The following EFCAB5 variants were observed in gnomAD, a reference collection of about 807,000 sequenced individuals.
EFCAB5 encodes EF-hand calcium binding domain 5, also known as EF-hand calcium-binding domain-containing protein 5.
A neutral mutation model predicts 167.9 loss-of-function variants in EFCAB5; 131 were observed. The ratio of observed to expected loss-of-function variants is 0.78; its 90% CI spans 0.68 to 0.90. EFCAB5 has a LOEUF of 0.90. Ranked by LOEUF, EFCAB5 falls within the 40% of genes least tolerant of loss-of-function variation. The probability of loss-of-function intolerance (pLI) is 0.00; values close to 1 mark genes in which losing one functional copy is unlikely to be tolerated. For synonymous variants in EFCAB5, 574 were observed against 602.8 expected, an observed-to-expected ratio of 0.95 and a Z score of 0.70; for missense variants, 1,663 against 1,745.2, an observed-to-expected ratio of 0.95 and a Z score of 0.84.
At chr17:30,080,047 C>T in intron 15 of EFCAB5, 25 bp from the exon 16 acceptor site, 1 of 1,583,824 alleles carries the variant, frequency 6.3e-7, no homozygotes, top group Non-Finnish European at 8.6e-7. Flanking sequence ...TTGGCAAACA[C>T]ATGGTCGGAA....
chr17:29,957,050 A>AT (rs905031917), intron 3 of EFCAB5, among the ~76,000 whole-genome samples: 3 of 151,854 alleles, frequency 2.0e-5, no homozygotes, highest in African/African-American at 7.3e-5. Context: ...AAAAGCTGTC[A>AT]TTTTTTTTCC....
intron 7 of EFCAB5, among the ~76,000 whole-genome samples, chr17:30,014,658 T>C (rs191570148): frequency 1.3e-5 from 2 of 152,178 alleles, no homozygotes; most frequent in Non-Finnish European, 2.9e-5. Flanking sequence ...GCTTGGTAGA[T>C]CTTCCTCCAT....
intron 5 of EFCAB5, among the ~76,000 whole-genome samples, chr17:29,994,529 C>T (rs1366614925): frequency 6.6e-6 from 1 of 151,886 alleles, no homozygotes; most frequent in African/African-American, 2.4e-5. Context: ...ACTTTATATA[C>T]CCTTAAGTAT....
chr17:29,932,449 C>CTTTTT (rs35262851), intron 1 of EFCAB5, among the ~76,000 whole-genome samples: 4 of 66,746 alleles, frequency 6.0e-5, no homozygotes, highest in Admixed American at 2.5e-4. Context: ...CTGTGCCCGG[C>CTTTTT]TTTTTTTTTT....
chr17:29,947,294 C>G (rs2067422348), intron 3 of EFCAB5, among the ~76,000 whole-genome samples: 1 of 151,990 alleles, frequency 6.6e-6, no homozygotes, highest in Non-Finnish European at 1.5e-5. Context: ...GGCCATTATT[C>G]TAAGTGAAGT....
rs534350032 is a variant in EFCAB5, at chr17:30,078,316, A to T, written c.2839A>T (p.Arg947Trp). 1 of 1,614,038 alleles carries T rather than the reference A, an allele frequency of 6.2e-7. No individual in the cohort carries two copies. The highest frequency in any genetic ancestry group is 8.5e-7 in the Non-Finnish European group (1 of 1,179,886). Residue 947 changes from arginine (R) to tryptophan (W), a missense_variant, in exon 15 of 23, where the codon AGG becomes TGG. Transcript: ENST00000394835. The stretch of plus-strand genomic sequence containing the variant: ...CATAGAATTGGTTGTGTCTGAACTC[A>T]GGGGCAATGAAGACCAAGTTCTGGA... Reference protein sequence around the residue: ...NYIELVVSELRGNEDQVLESV... With the variant: ...NYIELVVSELWGNEDQVLESV...
chr17:30,078,047 A>T (rs2070903665), intron 14 of EFCAB5, among the ~76,000 whole-genome samples, 168 bp from the exon 15 acceptor site: 1 of 152,304 alleles, frequency 6.6e-6, no homozygotes, highest in South Asian at 2.1e-4. Flanking sequence ...TCAACATAGA[A>T]ATTCATTGTA....
intron 22 of EFCAB5, among the ~76,000 whole-genome samples, chr17:30,098,926 G>A (rs1239317408): frequency 3.3e-5 from 5 of 152,076 alleles, no homozygotes; most frequent in Non-Finnish European, 5.9e-5. Context: ...GTTTGTATCT[G>A]GCTTCTTTCA....
chr17:29,990,517 G>C (rs1005511679), intron 4 of EFCAB5, among the ~76,000 whole-genome samples: 1 of 152,102 alleles, frequency 6.6e-6, no homozygotes, highest in Admixed American at 6.5e-5. Context: ...AATGACTCCT[G>C]TATGTACTTG....
Position 30,090,498 on chromosome 17 carries a change from C to T in EFCAB5, c.3761C>T (p.Pro1254Leu). 3 of 1,613,964 alleles carry T rather than the reference C, an allele frequency of 1.9e-6. No homozygotes were observed. The East Asian group carries it at 6.7e-5, about 36-fold the overall frequency. ...SACGETHIVV[P>L]LRERTGEALG... ...TGTGGAGAAACGCATATAGTAGTTCCACTTCGTGAGAGAACAGGAGAGGCT... is the reference window on the plus strand; with the variant it reads ...TGTGGAGAAACGCATATAGTAGTTCTACTTCGTGAGAGAACAGGAGAGGCT... Residue 1254 changes from proline (P) to leucine (L), a missense_variant, in exon 20 of 23, where the codon CCA becomes CTA. Coordinates refer to ENST00000394835, the MANE Select transcript of EFCAB5 (RefSeq NM_198529.4).
In EFCAB5 at chr17:30,073,644, G is replaced by A. The variant is rs374659373; in HGVS notation, c.2738-4571G>A. On this transcript the variant is annotated intron_variant, in intron 14 of 22. Coordinates refer to ENST00000394835, the MANE Select transcript of EFCAB5 (RefSeq NM_198529.4). The stretch of plus-strand genomic sequence containing the variant: ...ACAGCTTTTTTCTTTCTTTTTGCCC[G>A]TAGGGAAAGAAGGAAGTTTTTTCCT... The A allele has an allele frequency of 2.1e-4, 146 of 709,110 alleles. No individual in the cohort carries two copies. The East Asian group carries it at 2.4e-3, about 12-fold the overall frequency. 43.9% of individuals were successfully genotyped at this position (709,110 alleles called of 1,614,324 possible).
chr17:29,941,015 G>A (rs536915910), upstream of EFCAB5, among the ~76,000 whole-genome samples: 46 of 151,864 alleles, frequency 3.0e-4, no homozygotes, highest in African/African-American at 9.9e-4. Context: ...ACTCCAGCCC[G>A]GGCGACAGAA....
chr17:29,989,723 A>G (rs1408915604), intron 4 of EFCAB5, among the ~76,000 whole-genome samples: 2 of 152,154 alleles, frequency 1.3e-5, no homozygotes, highest in Admixed American at 1.3e-4. Flanking sequence ...TCTTGGAGCT[A>G]TGTGTCCTTT....
At position 30,047,570 on chromosome 17, in the gene EFCAB5, C is replaced by T. The variant is rs555076829; in HGVS notation, c.1201-3548C>T. ...AGTATTTTGATCCAATCTCAAAGAT[C>T]CAAGGCCATATTTTAACGGATCCAG... On this transcript the variant is annotated intron_variant, in intron 8 of 22. Transcript: ENST00000394835. Among the ~76,000 whole-genome samples, 78 of 152,204 alleles carry T rather than the reference C, an allele frequency of 5.1e-4. 1 individual carries two copies. Among genetic ancestry groups the T allele is most frequent in the South Asian group, 2.5e-3 (12 of 4,820 alleles).
chr17:30,061,315 G>C (rs1250062487), intron 14 of EFCAB5, among the ~76,000 whole-genome samples: 1 of 152,182 alleles, frequency 6.6e-6, no homozygotes, highest in Non-Finnish European at 1.5e-5. Flanking sequence ...AAAAAAAGCA[G>C]ATTTATGCTC....
chr17:30,090,961 G>A (rs1373392485), intron 20 of EFCAB5, among the ~76,000 whole-genome samples: 2 of 152,146 alleles, frequency 1.3e-5, no homozygotes, highest in African/African-American at 4.8e-5. Flanking sequence ...CCCATTATGT[G>A]CTTCAGATAT....
At chr17:30,087,274 T>G (rs1319158392) in intron 19 of EFCAB5, 108 bp downstream of exon 19, 1 of 775,672 alleles carries the variant, frequency 1.3e-6, no homozygotes, top group East Asian at 2.8e-5. Context: ...CTGACTTTTA[T>G]TCTTTCTTTT....
chr17:29,950,642 GGGA>G (rs1244068239), intron 3 of EFCAB5: 1 of 152,078 alleles, frequency 6.6e-6, no homozygotes, highest in Non-Finnish European at 1.5e-5. Flanking sequence ...CCGAAGCGCT[GGGA>G]TTACAGATGT....
chr17:30,090,521 G>C lies in EFCAB5; in HGVS notation c.3784G>C (p.Ala1262Pro), dbSNP rs1264892513. Residue 1262 changes from alanine to proline, a missense_variant, in exon 20 of 23, where the codon GCT becomes CCT. Coordinates refer to ENST00000394835, the MANE Select transcript of EFCAB5 (RefSeq NM_198529.4). ...VVPLRERTGE[A>P]LGVLDFNIGQ... ...TCCACTTCGTGAGAGAACAGGAGAGGCTCTGGGAGTCCTCGATTTTAACAT... is the reference window on the plus strand; with the variant it reads ...TCCACTTCGTGAGAGAACAGGAGAGCCTCTGGGAGTCCTCGATTTTAACAT... 3.1e-6 allele frequency: 5 copies of C among 1,613,994 alleles called. No individual in the cohort carries two copies. In the East Asian group the frequency reaches 1.1e-4, roughly 36 times the overall value.
Sources: allele counts gnomAD v4.1 joint callset (sites outside exome capture counted in the v4.1 genomes callset), GRCh38; gene constraint gnomAD v4.1.1; transcripts MANE v1.5; gene names NCBI Gene and HGNC (gene_info 2026-07-23, HGNC 2026-07-21).